Variants in DENND1A observed in about 807,000 individuals in gnomAD.
DENND1A encodes the protein DENN domain containing 1A.
A neutral mutation model predicts 113.7 loss-of-function variants in DENND1A; 51 were observed. The observed-to-expected ratio is 0.45, with a 90% CI of 0.36 to 0.57. The LOEUF (loss-of-function observed/expected upper bound fraction) is 0.57. DENND1A is among the 20% of genes least tolerant of loss of function. The probability of loss-of-function intolerance (pLI) is 0.00; values close to 1 mark genes in which losing one functional copy is unlikely to be tolerated. For missense variants in DENND1A, 1,258 were observed against 1,395.9 expected, an observed-to-expected ratio of 0.90 and a Z score of 1.57; for synonymous variants, 565 against 570.8, an observed-to-expected ratio of 0.99 and a Z score of 0.14.
At chr9:123,435,902 C>T (rs551986904) in intron 19 of DENND1A, among the ~76,000 whole-genome samples, 28 of 152,356 alleles carry the variant, frequency 1.8e-4, no homozygotes, top group African/African-American at 5.3e-4. Context: ...CTTCCTCACC[C>T]GCTGATGGCA....
At chr9:123,512,766 C>T (rs534485932) in intron 13 of DENND1A, among the ~76,000 whole-genome samples, 89 of 152,346 alleles carry the variant, frequency 5.8e-4, no homozygotes, top group African/African-American at 2.1e-3. Flanking sequence ...GATTTGGAGT[C>T]AGCAGACACT....
chr9:123,487,187 C>A (rs1411080862), intron 13 of DENND1A, among the ~76,000 whole-genome samples: 1 of 152,220 alleles, frequency 6.6e-6, no homozygotes, highest in African/African-American at 2.4e-5. Flanking sequence ...TGGATCCAGC[C>A]ATGCTGGTAG....
At chr9:123,886,629 T>C (rs1849138340) in intron 1 of DENND1A, among the ~76,000 whole-genome samples, 1 of 152,206 alleles carries the variant, frequency 6.6e-6, no homozygotes, top group African/African-American at 2.4e-5. Context: ...TCCTTTAAGC[T>C]AGAAAAACAA....
intron 21 of DENND1A, among the ~76,000 whole-genome samples, chr9:123,396,362 T>C (rs1400347206): frequency 1.3e-5 from 2 of 152,218 alleles, no homozygotes; most frequent in African/African-American, 2.4e-5. Flanking sequence ...ATCCAAATGA[T>C]GGGCCCACGC....
chr9:123,428,715 A>G (rs1417577954), intron 19 of DENND1A, among the ~76,000 whole-genome samples: 1 of 152,264 alleles, frequency 6.6e-6, no homozygotes, highest in Non-Finnish European at 1.5e-5. Context: ...CTCAGGATAC[A>G]AAATCAATGT....
At chr9:123,880,221 C>G (rs910232594) in intron 1 of DENND1A, among the ~76,000 whole-genome samples, 4 of 152,120 alleles carry the variant, frequency 2.6e-5, no homozygotes, top group African/African-American at 9.7e-5. Flanking sequence ...CCATGTTGGC[C>G]AGGCTGGTCT....
chr9:123,385,060 T>G (rs552622062), intron 22 of DENND1A, among the ~76,000 whole-genome samples: 1 of 152,332 alleles, frequency 6.6e-6, no homozygotes, highest in African/African-American at 2.4e-5. Flanking sequence ...TGCCTTCCCT[T>G]CCCATGGACC....
intron 13 of DENND1A, among the ~76,000 whole-genome samples, chr9:123,527,716 C>G (rs2054960208): frequency 6.6e-6 from 1 of 152,150 alleles, no homozygotes; most frequent in Admixed American, 6.5e-5. Context: ...GACCCATTCC[C>G]TGCCATCAAC....
intron 3 of DENND1A, among the ~76,000 whole-genome samples, chr9:123,782,007 T>C (rs1280884271): frequency 6.6e-6 from 1 of 152,006 alleles, no homozygotes; most frequent in African/African-American, 2.4e-5. Context: ...GAGACAGAGG[T>C]TGCAGTGAGC....
intron 5 of DENND1A, among the ~76,000 whole-genome samples, chr9:123,711,522 T>TATATATATATATATATATATATAC (rs1564998453): frequency 1.4e-5 from 2 of 142,890 alleles, no homozygotes; most frequent in African/African-American, 5.3e-5. Context: ...TGTATATATA[T>TATATATATATATATATATATATAC]ATATATATAT....
intron 19 of DENND1A, among the ~76,000 whole-genome samples, chr9:123,434,469 G>A (rs1412468110): frequency 6.6e-6 from 1 of 152,208 alleles, no homozygotes; most frequent in Non-Finnish European, 1.5e-5. Context: ...TGAATGCACA[G>A]CAAGTGCTTC....
intron 1 of DENND1A, among the ~76,000 whole-genome samples, chr9:123,909,995 A>G (rs1015394614): frequency 6.6e-6 from 1 of 152,202 alleles, no homozygotes; most frequent in Admixed American, 6.5e-5. Context: ...AGGACCCTGC[A>G]CTAAAAACTA....
At chr9:123,874,038 G>A (rs1396731173) in intron 2 of DENND1A, among the ~76,000 whole-genome samples, 2 of 152,024 alleles carry the variant, frequency 1.3e-5, no homozygotes, top group Non-Finnish European at 2.9e-5. Context: ...ACTGCACCCG[G>A]CCCTATCTAT....
At chr9:123,682,660 C>T (rs2064546143) in intron 5 of DENND1A, among the ~76,000 whole-genome samples, 1 of 152,136 alleles carries the variant, frequency 6.6e-6, no homozygotes, top group South Asian at 2.1e-4. Context: ...CTGGTAACCC[C>T]GAGTTTGAAT....
intron 21 of DENND1A, among the ~76,000 whole-genome samples, chr9:123,399,663 T>G (rs2043323925): frequency 6.6e-6 from 1 of 152,186 alleles, no homozygotes; most frequent in Admixed American, 6.5e-5. Context: ...GGTTCCCAAC[T>G]CCAGCCTTCA....
chr9:123,681,137 T>C (rs1384712157), intron 5 of DENND1A, among the ~76,000 whole-genome samples: 4 of 151,962 alleles, frequency 2.6e-5, no homozygotes, highest in African/African-American at 9.7e-5. Flanking sequence ...AGGCCTGACT[T>C]GGAGTTTCAT....
chr9:123,431,219 G>A (rs1380547355), intron 19 of DENND1A, among the ~76,000 whole-genome samples: 1 of 152,148 alleles, frequency 6.6e-6, no homozygotes, highest in Non-Finnish European at 1.5e-5. Flanking sequence ...TACCTCCAGT[G>A]CTAGCTCCCA....
chr9:123,483,707 T>C (rs1452754054), intron 13 of DENND1A, among the ~76,000 whole-genome samples: 1 of 152,234 alleles, frequency 6.6e-6, no homozygotes, highest in African/African-American at 2.4e-5. Flanking sequence ...CCTGGCTCTG[T>C]CGCTCATTAT....
intron 1 of DENND1A, among the ~76,000 whole-genome samples, chr9:123,892,233 T>TC (rs1190432666): frequency 1.3e-5 from 2 of 151,952 alleles, no homozygotes; most frequent in African/African-American, 4.8e-5. Flanking sequence ...TAATGCCTAT[T>TC]CCCCCCAGCC....
Sources: allele counts gnomAD v4.1 joint callset (sites outside exome capture counted in the v4.1 genomes callset), GRCh38; gene constraint gnomAD v4.1.1; transcripts MANE v1.5; gene names NCBI Gene and HGNC (gene_info 2026-07-23, HGNC 2026-07-21).